The following ZNF821 variants were observed in gnomAD, a reference collection of about 807,000 sequenced individuals.
ZNF821 encodes zinc finger protein 821.
ZNF821 carries 16 observed loss-of-function variants against 44.3 expected under a neutral mutation model. That is an observed-to-expected ratio of 0.36 (90% CI 0.24 to 0.55). The LOEUF (loss-of-function observed/expected upper bound fraction) is 0.55, where lower values mean the gene tolerates loss of function less well. ZNF821 is among the 20% of genes least tolerant of loss of function. ZNF821 has a pLI of 0.86. For missense variants in ZNF821, 436 were observed against 547.6 expected, an observed-to-expected ratio of 0.80 and a Z score of 2.03; for synonymous variants, 204 against 197.6, an observed-to-expected ratio of 1.03 and a Z score of -0.27.
At chr16:71,875,082 C>CTCTTTAG (rs1303986443) in intron 3 of ZNF821, among the ~76,000 whole-genome samples, 4 of 152,102 alleles carry the variant, frequency 2.6e-5, no homozygotes, top group Non-Finnish European at 4.4e-5. Context: ...TGGGGGTCTG[C>CTCTTTAG]TCTTTAGTTG....
intron 3 of ZNF821, among the ~76,000 whole-genome samples, chr16:71,870,275 A>G (rs10500567): frequency 0.25 from 38,015 of 151,874 alleles, 4,989 homozygotes; most frequent in Non-Finnish European, 0.28. Context: ...TCTTAGCTAC[A>G]TATCCCTCAA....
chr16:71,893,594 G>A (rs916317334), intron 1 of ZNF821, among the ~76,000 whole-genome samples: 3 of 151,678 alleles, frequency 2.0e-5, no homozygotes, highest in African/African-American at 7.3e-5. Flanking sequence ...CAAGTAGCTG[G>A]GATTACAGGT....
intron 3 of ZNF821, among the ~76,000 whole-genome samples, chr16:71,869,885 C>T (rs986667976): frequency 4.2e-4 from 64 of 152,198 alleles, no homozygotes; most frequent in African/African-American, 1.4e-3. Context: ...GATCCCCCTA[C>T]CTCGACCTCC....
upstream of ZNF821, among the ~76,000 whole-genome samples, chr16:71,886,421 T>A (rs1474764343): frequency 6.6e-6 from 1 of 152,220 alleles, no homozygotes; most frequent in Admixed American, 6.5e-5. Flanking sequence ...CTAAACTTGT[T>A]CTACATCTAG....
intron 2 of ZNF821, chr16:71,881,795 G>C (rs1353039016): frequency 6.6e-6 from 1 of 151,628 alleles, no homozygotes; most frequent in Non-Finnish European, 1.5e-5. Context: ...GCCAATATGG[G>C]GAAACCTCTA....
At chr16:71,872,597 A>G (rs1232756479) in intron 3 of ZNF821, among the ~76,000 whole-genome samples, 12 of 152,196 alleles carry the variant, frequency 7.9e-5, no homozygotes, top group Admixed American at 7.9e-4. Context: ...TGGGCGACAG[A>G]GCGAGACTCC....
intron 3 of ZNF821, among the ~76,000 whole-genome samples, chr16:71,876,645 C>A (rs2035853510): frequency 6.6e-6 from 1 of 152,168 alleles, no homozygotes; most frequent in African/African-American, 2.4e-5. Flanking sequence ...GACGCTCAGG[C>A]TGGAGTGCAG....
intron 3 of ZNF821, among the ~76,000 whole-genome samples, chr16:71,873,043 T>A (rs985950184): frequency 6.6e-6 from 1 of 152,048 alleles, no homozygotes; most frequent in Non-Finnish European, 1.5e-5. Flanking sequence ...TACTCAGGGC[T>A]GGGCGAGGTG....
At chr16:71,865,073 G>T (rs775748163) in intron 4 of ZNF821, 25 bp from the exon 5 acceptor site, 1 of 1,613,912 alleles carries the variant, frequency 6.2e-7, no homozygotes, top group Admixed American at 1.7e-5. Flanking sequence ...CTGGTCACTT[G>T]TTCTGATTTT....
At chr16:71,891,353 G>C (rs974456073) in intron 1 of ZNF821, 35 of 152,188 alleles carry the variant, frequency 2.3e-4, no homozygotes, top group Admixed American at 2.0e-3. Context: ...AGTATGTTTA[G>C]CTTCTGAATG....
chr16:71,883,717 C>G (rs1276182307), intron 1 of ZNF821, 191 bp downstream of exon 1: 3 of 152,542 alleles, frequency 2.0e-5, no homozygotes, highest in African/African-American at 7.2e-5. Context: ...CAAGGGGCAG[C>G]AGGAGGAGCG....
rs1218344450 is a variant in ZNF821, at chr16:71,889,869, G to A, written n.448+5020C>T. 2.6e-5 allele frequency among the ~76,000 whole-genome samples: 4 copies of A among 152,094 alleles called. No individual in the cohort carries two copies. In the East Asian group the frequency reaches 7.7e-4, roughly 29 times the overall value. Reference sequence around the variant, plus strand: ...GCTACTCAGGAGGCTGATGTGGGAGGATCATCTGGGCCCAAGATCATGGCT... The same window carrying A: ...GCTACTCAGGAGGCTGATGTGGGAGAATCATCTGGGCCCAAGATCATGGCT... On this transcript the variant is annotated intron_variant and non_coding_transcript_variant, in intron 1 of 2. Coordinates refer to the ZNF821 transcript ENST00000561700.
chr16:71,860,472 C>T lies in ZNF821; in HGVS notation c.785G>A (p.Arg262Gln), dbSNP rs2033715938. ...TPSVRKWALR[R>Q]QNEPLEVRLQ... ...CCGTACTTCCAAAGGCTCATTCTGT[C>T]GACGTAGAGCCCACTTGCGTACACT... The change falls in exon 8 of 8, where the codon CGA becomes CAA. Residue 262 changes from arginine (R) to glutamine (Q), a missense_variant. Physicochemically the swap from Arg to Gln is conservative, Grantham distance 43 (BLOSUM62 1). Transcript: ENST00000425432. This position sits in a 1 kb window ranked among gnomAD's most constrained non-coding sequence, Gnocchi z 7.3. 1 of 1,614,176 alleles carries T rather than the reference C, an allele frequency of 6.2e-7. No homozygotes were observed. The highest frequency in any genetic ancestry group is 8.5e-7 in the Non-Finnish European group (1 of 1,180,046).
chr16:71,875,391 C>G (rs2035686622), intron 3 of ZNF821, among the ~76,000 whole-genome samples: 1 of 152,070 alleles, frequency 6.6e-6, no homozygotes. Flanking sequence ...AAGTGATTCT[C>G]CCGTGTTAGT....
At chr16:71,871,989 G>GC (rs977657908) in intron 3 of ZNF821, among the ~76,000 whole-genome samples, 39 of 151,872 alleles carry the variant, frequency 2.6e-4, no homozygotes, top group Non-Finnish European at 5.9e-5. Context: ...GCACCACCAC[G>GC]CCTGGCTAAT....
intron 1 of ZNF821, among the ~76,000 whole-genome samples, chr16:71,889,840 C>T (rs958612265): frequency 6.6e-6 from 1 of 152,216 alleles, no homozygotes; most frequent in Admixed American, 6.5e-5. Flanking sequence ...TGCCTATAGT[C>T]CCAGCTACTC....
chr16:71,875,704 C>T (rs561982617), intron 3 of ZNF821, among the ~76,000 whole-genome samples: 7 of 152,202 alleles, frequency 4.6e-5, no homozygotes, highest in South Asian at 4.1e-4. Context: ...CCTCGTGATC[C>T]GCCGGCCTCG....
At chr16:71,866,236 A>G (rs763258701) in intron 4 of ZNF821, among the ~76,000 whole-genome samples, 2 of 152,190 alleles carry the variant, frequency 1.3e-5, no homozygotes, top group Non-Finnish European at 2.9e-5. Context: ...CCCTTGCATA[A>G]TATCTAAATC....
chr16:71,891,372 C>G (rs567446194), intron 1 of ZNF821: 1 of 152,362 alleles, frequency 6.6e-6, no homozygotes, highest in Non-Finnish European at 1.5e-5. Flanking sequence ...TGAAACTTGT[C>G]TGTTCAGCCA....
Sources: allele counts gnomAD v4.1 joint callset (sites outside exome capture counted in the v4.1 genomes callset), GRCh38; gene constraint gnomAD v4.1.1; non-coding constraint Gnocchi (gnomAD v3.1); transcripts MANE v1.5; gene names NCBI Gene and HGNC (gene_info 2026-07-23, HGNC 2026-07-21).